TMPRSS11F: variants seen among roughly 807,000 people sequenced by gnomAD.
TMPRSS11F encodes the protein transmembrane protease serine 11F.
In TMPRSS11F, 47 loss-of-function variants were observed where a neutral mutation model predicts 60.2. The ratio of observed to expected loss-of-function variants is 0.78; its 90% CI spans 0.62 to 1.00. The LOEUF (loss-of-function observed/expected upper bound fraction) is 1.00, where lower values mean the gene tolerates loss of function less well. Among genes scored for constraint, TMPRSS11F ranks in the 50% least tolerant of loss-of-function variants. TMPRSS11F has a pLI of 0.00. For missense variants in TMPRSS11F, 519 were observed against 522.9 expected, an observed-to-expected ratio of 0.99 and a Z score of 0.07; for synonymous variants, 166 against 167.3, an observed-to-expected ratio of 0.99 and a Z score of 0.06.
At chr4:68,098,811 T>C in intron 2 of TMPRSS11F, 76 bp downstream of exon 2, 1 of 1,381,402 alleles carries the variant, frequency 7.2e-7, no homozygotes. Context: ...CAAATGTCAC[T>C]TTTTATACAA....
intron 3 of TMPRSS11F, among the ~76,000 whole-genome samples, chr4:68,089,645 C>T (rs560448857): frequency 5.1e-4 from 78 of 152,152 alleles, no homozygotes; most frequent in Non-Finnish European, 9.6e-4. Flanking sequence ...GCTCTTATTG[C>T]TTTTCAACAT....
intron 9 of TMPRSS11F, among the ~76,000 whole-genome samples, 185 bp downstream of exon 9, chr4:68,059,141 A>C (rs1175163613): frequency 6.6e-6 from 1 of 152,052 alleles, no homozygotes; most frequent in African/African-American, 2.4e-5. Context: ...AAAAGTGCTT[A>C]ATTTTTGGCT....
intron 5 of TMPRSS11F, among the ~76,000 whole-genome samples, chr4:68,070,924 TCA>T (rs1415784138): frequency 5.3e-5 from 8 of 152,220 alleles, no homozygotes. Context: ...AGTTAAATCT[TCA>T]TTATTGAGCA....
chr4:68,117,608 CAAT>C (rs1724553762), intron 1 of TMPRSS11F, among the ~76,000 whole-genome samples: 1 of 150,556 alleles, frequency 6.6e-6, no homozygotes, highest in Non-Finnish European at 1.5e-5. Flanking sequence ...GTCAAAACAA[CAAT>C]GAGATATCAC....
intron 1 of TMPRSS11F, among the ~76,000 whole-genome samples, chr4:68,107,941 TA>T (rs1047055888): frequency 6.8e-4 from 103 of 151,902 alleles, no homozygotes; most frequent in Non-Finnish European, 1.3e-3. Context: ...GTCTCAAATT[TA>T]AAAAAAAGAA....
At chr4:68,095,679 C>A (rs28637532) in intron 2 of TMPRSS11F, among the ~76,000 whole-genome samples, 63,987 of 151,676 alleles carry the variant, frequency 0.42, 14,312 homozygotes, top group Non-Finnish European at 0.52. Context: ...GGGCAGATCA[C>A]GAGGTCAGGA....
intron 1 of TMPRSS11F, among the ~76,000 whole-genome samples, chr4:68,116,766 G>A (rs1010488150): frequency 9.9e-5 from 15 of 152,142 alleles, no homozygotes; most frequent in African/African-American, 3.6e-4. Flanking sequence ...TCAATAAAGA[G>A]TATTAGGGAA....
chr4:68,062,715 G>A (rs1157816694), intron 8 of TMPRSS11F: 2 of 744,808 alleles, frequency 2.7e-6, no homozygotes, highest in Admixed American at 1.7e-5. Context: ...AGTGTCACAT[G>A]AGAAAGCTGA....
chr4:68,061,460 G>A (rs538156542), intron 8 of TMPRSS11F, among the ~76,000 whole-genome samples: 10 of 152,236 alleles, frequency 6.6e-5, no homozygotes, highest in African/African-American at 1.2e-4. Flanking sequence ...ATGATGTTCC[G>A]ATTTAAACTG....
At chr4:68,091,697 A>G (rs537971704) in intron 2 of TMPRSS11F, among the ~76,000 whole-genome samples, 5 of 151,636 alleles carry the variant, frequency 3.3e-5, no homozygotes, top group Admixed American at 2.0e-4. Flanking sequence ...CCAATATCCA[A>G]TTAATTTTTC....
At chr4:68,061,685 A>G in intron 8 of TMPRSS11F, 1 of 380,788 alleles carries the variant, frequency 2.6e-6, no homozygotes, top group Middle Eastern at 9.1e-4. Context: ...ACATTACTGC[A>G]ATTTTTGAAG....
chr4:68,108,102 G>A (rs1724339095), intron 1 of TMPRSS11F, among the ~76,000 whole-genome samples: 1 of 152,198 alleles, frequency 6.6e-6, no homozygotes, highest in Non-Finnish European at 1.5e-5. Context: ...GTTCAGGTCT[G>A]AGATGATGGC....
chr4:68,100,043 C>CAA (rs75779257), intron 1 of TMPRSS11F, among the ~76,000 whole-genome samples: 3 of 88,528 alleles, frequency 3.4e-5, no homozygotes, highest in South Asian at 6.6e-4. Flanking sequence ...CTCACCAGGT[C>CAA]AAAAAAAAAA....
chr4:68,099,124 A>G (rs1209378355), intron 1 of TMPRSS11F, 86 bp from the exon 2 acceptor site: 2 of 1,182,676 alleles, frequency 1.7e-6, no homozygotes, highest in African/African-American at 3.1e-5. Context: ...CTATGAAAAT[A>G]GTTTATACTG....
At chr4:68,117,668 T>A (rs1724554949) in intron 1 of TMPRSS11F, among the ~76,000 whole-genome samples, 1 of 152,048 alleles carries the variant, frequency 6.6e-6, no homozygotes, top group Admixed American at 6.6e-5. Flanking sequence ...AAGTTGGGTG[T>A]CTCCACTGAG....
At chr4:68,116,177 A>G (rs550630451) in intron 1 of TMPRSS11F, among the ~76,000 whole-genome samples, 1 of 152,274 alleles carries the variant, frequency 6.6e-6, no homozygotes, top group South Asian at 2.1e-4. Context: ...CTTAAAGTAG[A>G]AAATATTTTG....
In TMPRSS11F at chr4:68,069,982, A is replaced by G. The variant is rs774335879; in HGVS notation, c.540T>C (p.Asn180=). 3 of 1,604,982 alleles carry G rather than the reference A, an allele frequency of 1.9e-6. No homozygotes were observed. Among genetic ancestry groups the G allele is most frequent in the East Asian group, 2.3e-5 (1 of 44,338 alleles). The change falls in exon 6 of 10, where the codon AAT becomes AAC. Residue 180 remains asparagine (N), a synonymous_variant. Coordinates refer to ENST00000356291, the MANE Select transcript of TMPRSS11F (RefSeq NM_207407.2). ...LTPIDSKKMR[N]LLNSRCGIRM... The stretch of plus-strand genomic sequence containing the variant: ...TTTGGAACTTACGACTGTTGAGAAG[A>G]TTCCTCATCTTTTTGCTGTCAATAG...
chr4:68,114,156 A>G (rs1724466248), intron 1 of TMPRSS11F, among the ~76,000 whole-genome samples: 2 of 152,024 alleles, frequency 1.3e-5, no homozygotes. Context: ...TCTTAATTAG[A>G]AAATAAGAAA....
intron 3 of TMPRSS11F, among the ~76,000 whole-genome samples, chr4:68,087,678 C>T (rs1723841209): frequency 6.7e-6 from 1 of 149,392 alleles, no homozygotes; most frequent in African/African-American, 2.5e-5. Flanking sequence ...AAAAAATCAA[C>T]ATAAAACAAT....
Sources: allele counts gnomAD v4.1 joint callset (sites outside exome capture counted in the v4.1 genomes callset), GRCh38; gene constraint gnomAD v4.1.1; transcripts MANE v1.5; gene names NCBI Gene and HGNC (gene_info 2026-07-23, HGNC 2026-07-21).